The following SCOC variants were observed in gnomAD, a reference collection of about 807,000 sequenced individuals.
SCOC encodes the protein short coiled coil protein.
Under a neutral mutation model 9.9 loss-of-function variants are expected in SCOC, and 7 were observed. That is an observed-to-expected ratio of 0.71 (90% CI 0.40 to 1.33). The LOEUF (loss-of-function observed/expected upper bound fraction) is 1.33, where lower values mean the gene tolerates loss of function less well. Ranked by LOEUF, SCOC falls within the 40% of genes most tolerant of loss-of-function variation. The probability of loss-of-function intolerance (pLI) is 0.01; values close to 1 mark genes in which losing one functional copy is unlikely to be tolerated. For synonymous variants in SCOC, 19 were observed against 28.2 expected (o/e 0.67, Z 1.03); for missense variants, 66 against 89.7 (o/e 0.74, Z 1.07).
At chr4:140,266,598 C>T (rs954370369) in intron 1 of SCOC, among the ~76,000 whole-genome samples, 1 of 152,104 alleles carries the variant, frequency 6.6e-6, no homozygotes, top group Non-Finnish European at 1.5e-5. Context: ...CAATCAGTCT[C>T]TAACATGGGG....
intron 1 of SCOC, among the ~76,000 whole-genome samples, chr4:140,333,861 A>C (rs1578820091): frequency 6.6e-6 from 1 of 152,212 alleles, no homozygotes; most frequent in East Asian, 1.9e-4. Flanking sequence ...TTGAATTAGG[A>C]AACATTATAT....
At chr4:140,365,172 C>CAACA (rs1727736240) in intron 2 of SCOC, among the ~76,000 whole-genome samples, 1 of 141,582 alleles carries the variant, frequency 7.1e-6, no homozygotes, top group African/African-American at 2.6e-5. Flanking sequence ...ATGGATATGG[C>CAACA]AAAAAAAAAA....
At chr4:140,321,470 T>C (rs1732497428) in intron 1 of SCOC, among the ~76,000 whole-genome samples, 1 of 152,072 alleles carries the variant, frequency 6.6e-6, no homozygotes, top group South Asian at 2.1e-4. Flanking sequence ...GATAGATAAG[T>C]TCAACAGAGA....
At chr4:140,323,169 T>C (rs751630616) in intron 1 of SCOC, among the ~76,000 whole-genome samples, 6 of 152,156 alleles carry the variant, frequency 3.9e-5, no homozygotes, top group Admixed American at 2.6e-4. Flanking sequence ...ACCTCATGAA[T>C]AGCTTGGTGC....
At chr4:140,320,569 G>T (rs971170073) in intron 1 of SCOC, among the ~76,000 whole-genome samples, 3 of 151,540 alleles carry the variant, frequency 2.0e-5, no homozygotes, top group Admixed American at 6.6e-5. Flanking sequence ...AGACACAGAG[G>T]GTTCACACTG....
intron 2 of SCOC, among the ~76,000 whole-genome samples, chr4:140,367,675 G>C (rs1012864089): frequency 6.6e-6 from 1 of 152,206 alleles, no homozygotes; most frequent in Non-Finnish European, 1.5e-5. Flanking sequence ...ACTGTGCCCA[G>C]TCTAAAGCCA....
chr4:140,380,955 T>C lies in SCOC; in HGVS notation c.107-7T>C, dbSNP rs1242234168. 1 of 1,530,234 alleles carries C rather than the reference T, an allele frequency of 6.5e-7. No individual in the cohort carries two copies. 94.8% of individuals were successfully genotyped at this position (1,530,234 alleles called of 1,614,324 possible). A position where few individuals can be genotyped will look rare whatever the true frequency, so the allele number is the denominator to read the frequency against. On this transcript the variant is annotated splice_region_variant and splice_polypyrimidine_tract_variant and intron_variant, in intron 3 of 3. Transcript: ENST00000608372. Reference sequence around the variant, plus strand: ...ATTGATAATGGGCATTTTTATTTTTTATATAGATCTCTCTGCAAGAGTAGA... The same window carrying C: ...ATTGATAATGGGCATTTTTATTTTTCATATAGATCTCTCTGCAAGAGTAGA...
chr4:140,268,983 T>C (rs1001235938), intron 1 of SCOC, among the ~76,000 whole-genome samples: 10 of 152,174 alleles, frequency 6.6e-5, no homozygotes, highest in South Asian at 6.2e-4. Flanking sequence ...CATTCCAACT[T>C]ACAGTCATAA....
At chr4:140,344,065 T>C (rs1240711792) in intron 2 of SCOC, among the ~76,000 whole-genome samples, 1 of 152,208 alleles carries the variant, frequency 6.6e-6, no homozygotes, top group Non-Finnish European at 1.5e-5. Flanking sequence ...GTAAAATAAT[T>C]GTATCATTAC....
chr4:140,265,442 A>G (rs533328619), intron 1 of SCOC, among the ~76,000 whole-genome samples: 11 of 152,358 alleles, frequency 7.2e-5, no homozygotes, highest in South Asian at 4.1e-4. Flanking sequence ...GTTTTATTGA[A>G]CAATGAACAA....
upstream of SCOC, among the ~76,000 whole-genome samples, chr4:140,371,327 T>A (rs558816562): frequency 0.04 from 6,086 of 152,324 alleles, 145 homozygotes; most frequent in South Asian, 0.095. Context: ...CCTTAATGAA[T>A]CGTGCTGTTT....
At chr4:140,345,617 G>C (rs1726702408) in intron 2 of SCOC, among the ~76,000 whole-genome samples, 1 of 152,158 alleles carries the variant, frequency 6.6e-6, no homozygotes, top group Admixed American at 6.5e-5. Flanking sequence ...CATTCAAATT[G>C]TGGAATCCTT....
chr4:140,347,159 A>G (rs901166614), intron 2 of SCOC, among the ~76,000 whole-genome samples: 7 of 152,210 alleles, frequency 4.6e-5, no homozygotes, highest in African/African-American at 1.4e-4. Context: ...ATTTAGGTAC[A>G]GTAATTTTTT....
intron 1 of SCOC, among the ~76,000 whole-genome samples, chr4:140,299,439 C>A (rs1731750814): frequency 1.3e-5 from 2 of 152,050 alleles, no homozygotes; most frequent in Non-Finnish European, 2.9e-5. Context: ...CAATTTTTTT[C>A]TTTTAAAGAA....
intron 1 of SCOC, among the ~76,000 whole-genome samples, chr4:140,377,904 A>G (rs1329504078): frequency 2.0e-5 from 3 of 152,230 alleles, no homozygotes; most frequent in Non-Finnish European, 4.4e-5. Context: ...TGTTGAAAGA[A>G]TAACACTGAC....
At chr4:140,276,974 T>C (rs922272185) in intron 1 of SCOC, among the ~76,000 whole-genome samples, 10 of 152,206 alleles carry the variant, frequency 6.6e-5, no homozygotes, top group Non-Finnish European at 1.3e-4. Flanking sequence ...ATGGAGGTCT[T>C]TTAAGGATCA....
At chr4:140,366,790 A>G in intron 2 of SCOC, 1 of 1,298,518 alleles carries the variant, frequency 7.7e-7, no homozygotes, top group South Asian at 1.2e-5. Flanking sequence ...AGTTGCAACC[A>G]ATTTTCTGGC....
intron 1 of SCOC, among the ~76,000 whole-genome samples, chr4:140,271,132 T>C (rs1201989651): frequency 6.6e-6 from 1 of 152,054 alleles, no homozygotes; most frequent in Non-Finnish European, 1.5e-5. Flanking sequence ...GGAGGAGGGA[T>C]TGCTTGTAGT....
At chr4:140,280,337 C>T (rs2126414899) in intron 1 of SCOC, among the ~76,000 whole-genome samples, 2 of 152,132 alleles carry the variant, frequency 1.3e-5, no homozygotes, top group South Asian at 4.2e-4. Context: ...CTATGTTGTC[C>T]CAGCTGATCT....
Sources: allele counts gnomAD v4.1 joint callset (sites outside exome capture counted in the v4.1 genomes callset), GRCh38; gene constraint gnomAD v4.1.1; transcripts MANE v1.5; gene names NCBI Gene and HGNC (gene_info 2026-07-23, HGNC 2026-07-21).